The following SHC3 variants were observed in gnomAD, a reference collection of about 807,000 sequenced individuals.
The protein encoded by SHC3 is SHC adaptor protein 3.
A neutral mutation model predicts 60.4 loss-of-function variants in SHC3; 15 were observed. The observed-to-expected ratio is 0.25, with a 90% CI of 0.17 to 0.38. The LOEUF (loss-of-function observed/expected upper bound fraction) is 0.38. SHC3 is among the 10% of genes least tolerant of loss of function. The pLI, the probability that SHC3 is intolerant of heterozygous loss-of-function variation, is 1.00. For synonymous variants in SHC3, 294 were observed against 325.9 expected (o/e 0.90, Z 1.05); for missense variants, 677 against 786.1 (o/e 0.86, Z 1.66).
rs1235173050 is a variant in SHC3 at position 89,054,127 on chromosome 9, A to G, written c.836-1964T>C. Among the ~76,000 whole-genome samples, 3 of 152,184 alleles carry G rather than the reference A, an allele frequency of 2.0e-5. No individual in the cohort carries two copies. The East Asian group carries it at 5.8e-4, about 29-fold the overall frequency. On this transcript the variant is annotated intron_variant, in intron 6 of 11. Coordinates refer to ENST00000375835, the MANE Select transcript of SHC3 (RefSeq NM_016848.6). The stretch of plus-strand genomic sequence containing the variant: ...GAGTGGGCTGTACAATCTCATCCAC[A>G]TGCTACTAACCTTCTACACACCTGA...
At chr9:89,129,358 CCCAA>C (rs1826209309) in intron 1 of SHC3, among the ~76,000 whole-genome samples, 1 of 152,108 alleles carries the variant, frequency 6.6e-6, no homozygotes, top group African/African-American at 2.4e-5. Flanking sequence ...GGAAAACTTC[CCCAA>C]CCTAGCAAGG....
chr9:89,156,717 G>A (rs574402388), intron 1 of SHC3, among the ~76,000 whole-genome samples: 1 of 152,280 alleles, frequency 6.6e-6, no homozygotes, highest in Non-Finnish European at 1.5e-5. Context: ...ACAGATCTCA[G>A]GTAAGGAGAG....
intron 10 of SHC3, among the ~76,000 whole-genome samples, chr9:89,041,409 T>C (rs1020550596): frequency 1.1e-4 from 16 of 152,256 alleles, no homozygotes; most frequent in Admixed American, 3.3e-4. Flanking sequence ...GTAGAGACTT[T>C]GCTGGTTTTG....
Position 89,178,363 on chromosome 9 carries a change from T to G in SHC3, c.98A>C (p.Lys33Thr), listed in dbSNP as rs199820426. ...CGGGGTCGCGCGCGCCGCCGAAACC[T>G]TGCCTCCGCCGCCGCTCACCGACAG... Reference protein sequence around the residue: ...HSLSVSGGGGKVSAARATPAA... With the variant: ...HSLSVSGGGGTVSAARATPAA... Residue 33 changes from lysine to threonine, a missense_variant, in exon 1 of 12, where the codon AAG (lysine) becomes ACG (threonine). By Grantham distance (78) the Lys-to-Thr change is moderately conservative (BLOSUM62 -1). Coordinates refer to ENST00000375835, the MANE Select transcript of SHC3 (RefSeq NM_016848.6). The surrounding 1 kb of genome is among the most constrained non-coding windows in gnomAD (Gnocchi z 6.9). 5.7e-6 allele frequency: 9 copies of G among 1,592,326 alleles called. No individual in the cohort carries two copies. The East Asian group carries it at 2.1e-4, about 38-fold the overall frequency.
At chr9:89,165,016 C>T (rs979486119) in intron 1 of SHC3, among the ~76,000 whole-genome samples, 22 of 152,034 alleles carry the variant, frequency 1.4e-4, no homozygotes, top group African/African-American at 4.6e-4. Context: ...TTATAATTTG[C>T]GAGAAATTAG....
At chr9:89,095,247 A>C (rs1825684616) in intron 2 of SHC3, among the ~76,000 whole-genome samples, 1 of 152,234 alleles carries the variant, frequency 6.6e-6, no homozygotes, top group South Asian at 2.1e-4. Flanking sequence ...GGACAAACAA[A>C]ATGTGGTCCA....
chr9:89,176,619 T>C (rs1346961577), intron 1 of SHC3, among the ~76,000 whole-genome samples: 1 of 152,232 alleles, frequency 6.6e-6, no homozygotes, highest in African/African-American at 2.4e-5. Flanking sequence ...CCTGGTTATA[T>C]AATTTAAATA....
chr9:89,110,383 T>C (rs12345086), intron 2 of SHC3: 27,240 of 984,998 alleles, frequency 0.028, 400 homozygotes, highest in African/African-American at 0.04. Flanking sequence ...TATAACTTAA[T>C]TAGGACATTA....
At chr9:89,069,106 G>C (rs958560814) in intron 5 of SHC3, among the ~76,000 whole-genome samples, 9 of 152,172 alleles carry the variant, frequency 5.9e-5, no homozygotes, top group African/African-American at 2.2e-4. Context: ...CCCAGAGTTT[G>C]AGACCAGCCT....
intron 6 of SHC3, among the ~76,000 whole-genome samples, chr9:89,062,092 C>T (rs62547198): frequency 0.14 from 20,697 of 152,160 alleles, 1,507 homozygotes; most frequent in Non-Finnish European, 0.16. Flanking sequence ...TGTAGGCAGT[C>T]GTATGCCTAA....
intron 2 of SHC3, among the ~76,000 whole-genome samples, chr9:89,098,437 C>T (rs1437790321): frequency 6.6e-6 from 1 of 152,202 alleles, no homozygotes; most frequent in Non-Finnish European, 1.5e-5. Flanking sequence ...AGGAAAATAA[C>T]ATTGTCCTCA....
At chr9:89,075,919 G>A (rs1021942386) in intron 3 of SHC3, among the ~76,000 whole-genome samples, 5 of 152,096 alleles carry the variant, frequency 3.3e-5, no homozygotes, top group African/African-American at 9.7e-5. Context: ...CTTCTTCCTA[G>A]GTACCTGGGT....
rs758488927 is a variant in SHC3, at chr9:89,178,307, C to A, written c.154G>T (p.Ala52Ser). Reference sequence around the variant, plus strand: ...CCATCGTCGGGCGCCTTGCGCAGCGCCTCGCCGGACACCAAGTAGGGAGCC... The same window carrying A: ...CCATCGTCGGGCGCCTTGCGCAGCGACTCGCCGGACACCAAGTAGGGAGCC... ...AAAPYLVSGE[A>S]LRKAPDDGPG... is the part of the protein sequence containing the mutation. The change falls in exon 1 of 12, where the codon GCG becomes TCG. Residue 52 changes from alanine (A) to serine (S), a missense_variant. Ala to Ser is a moderately conservative substitution (Grantham distance 99). Coordinates refer to ENST00000375835, the MANE Select transcript of SHC3 (RefSeq NM_016848.6). This position sits in a 1 kb window ranked among gnomAD's most constrained non-coding sequence, Gnocchi z 6.9. 236 of 1,585,340 alleles carry A rather than the reference C, an allele frequency of 1.5e-4. 2 individuals are homozygous for A. Among genetic ancestry groups the A allele is most frequent in the Middle Eastern group, 1.3e-3 (8 of 5,956 alleles).
intron 3 of SHC3, 97 bp downstream of exon 3, chr9:89,077,741 AAG>A (rs1825381964): frequency 3.5e-6 from 5 of 1,424,534 alleles, no homozygotes; most frequent in Non-Finnish European, 4.9e-6. Flanking sequence ...GGGCCACAGA[AAG>A]AGGACAATGA....
chr9:89,007,480 C>T lies in SHC3; in HGVS notation c.*5967G>A, dbSNP rs147065539. 6.6e-6 allele frequency: 1 copy of T among 152,406 alleles called. No homozygotes were observed. The highest frequency in any genetic ancestry group is 1.9e-4 in the East Asian group (1 of 5,186). 9.4% of individuals were successfully genotyped at this position (152,406 alleles called of 1,614,324 possible). A position where few individuals can be genotyped will look rare whatever the true frequency, so the allele number is the denominator to read the frequency against. Reference sequence around the variant, plus strand: ...TACATTCACTTCTCTATCCCACCATCCCAGTACAGGGCCAGCCACATATTA... The same window carrying T: ...TACATTCACTTCTCTATCCCACCATTCCAGTACAGGGCCAGCCACATATTA... On this transcript the variant is annotated 3_prime_UTR_variant, in exon 12 of 12. Coordinates refer to ENST00000375835, the MANE Select transcript of SHC3 (RefSeq NM_016848.6).
intron 6 of SHC3, among the ~76,000 whole-genome samples, chr9:89,061,414 C>T (rs530829195): frequency 6.6e-6 from 1 of 152,314 alleles, no homozygotes; most frequent in South Asian, 2.1e-4. Context: ...CCACCATATT[C>T]GAGAAGCCCA....
In SHC3 at chr9:89,013,190, C is replaced by A; in HGVS notation, c.*257G>T. ...CATACAGCACAGAACATTAGTCTTA[C>A]ATCTTTCTTAGTCTTAAAAAATATA... On this transcript the variant is annotated 3_prime_UTR_variant, in exon 12 of 12. Transcript: ENST00000375835. 3 of 276,764 alleles carry A rather than the reference C, an allele frequency of 1.1e-5. No individual in the cohort carries two copies. The highest frequency in any genetic ancestry group is 6.6e-5 in the East Asian group (1 of 15,188). 17.1% of individuals were successfully genotyped at this position (276,764 alleles called of 1,614,324 possible). A position where few individuals can be genotyped will look rare whatever the true frequency, so the allele number is the denominator to read the frequency against.
chr9:89,070,208 T>A (rs1825248237), intron 5 of SHC3, among the ~76,000 whole-genome samples: 1 of 152,206 alleles, frequency 6.6e-6, no homozygotes, highest in South Asian at 2.1e-4. Flanking sequence ...TTCAATTGAA[T>A]AAATTTAGCT....
intron 1 of SHC3, among the ~76,000 whole-genome samples, chr9:89,131,445 G>A (rs568844743): frequency 3.3e-5 from 5 of 152,264 alleles, no homozygotes; most frequent in South Asian, 2.1e-4. Flanking sequence ...GCCTGGCAGA[G>A]ACACAACAAA....
Sources: allele counts gnomAD v4.1 joint callset (sites outside exome capture counted in the v4.1 genomes callset), GRCh38; gene constraint gnomAD v4.1.1; non-coding constraint Gnocchi (gnomAD v3.1); transcripts MANE v1.5; gene names NCBI Gene and HGNC (gene_info 2026-07-23, HGNC 2026-07-21).